Variants in CFAP47 observed in about 807,000 individuals in gnomAD.
The protein encoded by CFAP47 is cilia and flagella associated protein 47, also known as cilia- and flagella-associated protein 47.
CFAP47 carries 29 observed loss-of-function variants against 148.1 expected under a neutral mutation model. The ratio of observed to expected loss-of-function variants is 0.20; its 90% CI spans 0.15 to 0.27. CFAP47 has a LOEUF of 0.27. Among genes scored for constraint, CFAP47 ranks in the 10% least tolerant of loss-of-function variants. The pLI, the probability that CFAP47 is intolerant of heterozygous loss-of-function variation, is 1.00. For synonymous variants in CFAP47, 664 were observed against 577.3 expected (o/e 1.15, Z -2.15); for missense variants, 1,872 against 1,697.5 (o/e 1.10, Z -1.81).
intron 56 of CFAP47, among the ~76,000 whole-genome samples, chrX:36,315,109 C>A (rs1556010736): frequency 4.5e-5 from 5 of 112,246 alleles, no homozygotes; most frequent in Non-Finnish European, 9.4e-5. Flanking sequence ...TTTCTTCAGA[C>A]AACTATACTA....
chrX:36,348,929 A>G (rs781837022), intron 58 of CFAP47, among the ~76,000 whole-genome samples: 1 of 111,601 alleles, frequency 9.0e-6, no homozygotes, highest in Non-Finnish European at 1.9e-5. Flanking sequence ...CTACATGTGC[A>G]TATTTCTTTC....
chrX:36,212,929 A>G (rs1940118880), intron 45 of CFAP47, among the ~76,000 whole-genome samples: 1 of 110,676 alleles, frequency 9.0e-6, no homozygotes, highest in Non-Finnish European at 1.9e-5. Context: ...CCTGGCCAAC[A>G]TGGCGAAACC....
At chrX:36,358,211 G>T (rs1941800043) in intron 60 of CFAP47, among the ~76,000 whole-genome samples, 1 of 112,043 alleles carries the variant, frequency 8.9e-6, no homozygotes, top group South Asian at 3.7e-4. Context: ...CTTATCCAGT[G>T]TGCCTAATAC....
At chrX:36,371,739 T>TATGTGTGTGTATACACAC (rs1941951334) in intron 62 of CFAP47, among the ~76,000 whole-genome samples, 2 of 58,732 alleles carry the variant, frequency 3.4e-5, no homozygotes, top group Non-Finnish European at 6.3e-5. Context: ...TGTGTGTATA[T>TATGTGTGTGTATACACAC]ATGTGTGTAT....
At chrX:35,930,525 T>C (rs1935811478) in intron 2 of CFAP47, among the ~76,000 whole-genome samples, 2 of 111,604 alleles carry the variant, frequency 1.8e-5, no homozygotes, top group Admixed American at 1.9e-4. Context: ...TATTTAATAT[T>C]GATAGCAATT....
chrX:36,304,745 T>C (rs1433610635), intron 54 of CFAP47, among the ~76,000 whole-genome samples: 2 of 111,541 alleles, frequency 1.8e-5, no homozygotes, highest in African/African-American at 6.5e-5. Context: ...CCTCTCTGCT[T>C]CTTTCTCTGC....
At chrX:36,057,095 GT>G (rs1244052623) in intron 26 of CFAP47, among the ~76,000 whole-genome samples, 11 of 108,739 alleles carry the variant, frequency 1.0e-4, no homozygotes, top group South Asian at 3.9e-4. Context: ...GTCTAAAGTA[GT>G]TTTTTTTTTC....
chrX:36,282,845 T>A (rs1380426846), intron 50 of CFAP47, among the ~76,000 whole-genome samples: 1 of 112,037 alleles, frequency 8.9e-6, no homozygotes, highest in Non-Finnish European at 1.9e-5. Context: ...AAACTTTTAA[T>A]AATTTTTTAT....
intron 19 of CFAP47, among the ~76,000 whole-genome samples, chrX:35,998,195 T>C (rs928311365): frequency 1.4e-4 from 16 of 111,716 alleles, no homozygotes; most frequent in Non-Finnish European, 2.8e-4. Context: ...ACTGTGGTAT[T>C]GATTTTCATT....
intron 5 of CFAP47, 125 bp from the exon 6 acceptor site, chrX:35,951,678 T>C: frequency 3.9e-6 from 3 of 776,703 alleles, no homozygotes; most frequent in Non-Finnish European, 5.2e-6. Flanking sequence ...TGTGTAAATG[T>C]TACTTTAAAG....
rs1188987905 is a variant in CFAP47 at position 35,960,380 on chromosome X, G to GAAAAAAAAAAAAAAAAAAA, written c.1410+4193_1410+4211dup. On this transcript the variant is annotated intron_variant, in intron 8 of 63. Coordinates refer to ENST00000378653, the MANE Select transcript of CFAP47 (RefSeq NM_001304548.2). The stretch of plus-strand genomic sequence containing the variant: ...CTTTAACATTAGCTTGCTAATTTCT[G>GAAAAAAAAAAAAAAAAAAA]AAAAAAAAAAAAAAAAAAAAAAAAA... Among the ~76,000 whole-genome samples, 31 of 15,484 alleles carry GAAAAAAAAAAAAAAAAAAA rather than the reference G, an allele frequency of 2.0e-3. 8 individuals carry two copies. Among genetic ancestry groups the GAAAAAAAAAAAAAAAAAAA allele is most frequent in the African/African-American group, 7.3e-3 (28 of 3,814 alleles). 13.4% of individuals were successfully genotyped at this position (15,484 alleles called of 115,157 possible). A position where few individuals can be genotyped will look rare whatever the true frequency, so the allele number is the denominator to read the frequency against.
At chrX:36,222,476 T>C (rs1940222882) in intron 45 of CFAP47, among the ~76,000 whole-genome samples, 1 of 110,470 alleles carries the variant, frequency 9.1e-6, no homozygotes, top group African/African-American at 3.3e-5. Flanking sequence ...TTTTAACCAA[T>C]ATTTTAAAAA....
At chrX:35,984,644 A>G (rs747763425) in intron 15 of CFAP47, among the ~76,000 whole-genome samples, 30 of 111,570 alleles carry the variant, frequency 2.7e-4, no homozygotes, top group Middle Eastern at 4.7e-3. Flanking sequence ...AGAGTCTGCT[A>G]TGTTGTATTT....
intron 6 of CFAP47, 78 bp downstream of exon 6, chrX:35,952,041 T>C: frequency 4.0e-6 from 4 of 1,003,687 alleles, no homozygotes; most frequent in Non-Finnish European, 5.2e-6. Context: ...AGATTCACTT[T>C]AATACTATAA....
Position 36,317,925 on chromosome X carries a change from A to T in CFAP47, c.8345-1284A>T, listed in dbSNP as rs1300723058. 3.6e-5 allele frequency among the ~76,000 whole-genome samples: 4 copies of T among 111,692 alleles called. No individual in the cohort carries two copies. In the Admixed American group the frequency reaches 3.8e-4, roughly 11 times the overall value. ...TATTTTATTTTTAGATGCTGATAAGATATCTTAACATTTGGAACTTGTTTT... is the reference window on the plus strand; with the variant it reads ...TATTTTATTTTTAGATGCTGATAAGTTATCTTAACATTTGGAACTTGTTTT... On this transcript the variant is annotated intron_variant, in intron 56 of 63. Transcript: ENST00000378653.
intron 15 of CFAP47, among the ~76,000 whole-genome samples, chrX:35,978,843 T>G (rs1171242022): frequency 8.9e-6 from 1 of 112,235 alleles, no homozygotes; most frequent in Non-Finnish European, 1.9e-5. Flanking sequence ...CTCTATATTT[T>G]TATAAACTGA....
chrX:35,998,061 G>A (rs1284446896), intron 19 of CFAP47, among the ~76,000 whole-genome samples: 1 of 111,033 alleles, frequency 9.0e-6, no homozygotes, highest in African/African-American at 3.3e-5. Context: ...AGTTATGAGT[G>A]TGTTTAACTT....
intron 57 of CFAP47, among the ~76,000 whole-genome samples, chrX:36,322,133 A>G (rs1377502056): frequency 9.0e-6 from 1 of 110,820 alleles, no homozygotes; most frequent in African/African-American, 3.3e-5. Context: ...GTTGCTATTT[A>G]TGTTTGCAAT....
At chrX:36,066,564 CT>C (rs1937643299) in intron 27 of CFAP47, among the ~76,000 whole-genome samples, 1 of 111,636 alleles carries the variant, frequency 9.0e-6, no homozygotes, top group African/African-American at 3.3e-5. Context: ...TATCGTGACT[CT>C]TTTTACTGGT....
Sources: gnomAD v4.1 joint callset for allele counts (sites outside exome capture counted in the v4.1 genomes callset) on GRCh38, gnomAD v4.1.1 for gene constraint, MANE v1.5 for transcripts, NCBI Gene and HGNC (gene_info 2026-07-23, HGNC 2026-07-21) for gene names.